The following CFAP61 variants were observed in gnomAD, a reference collection of about 807,000 sequenced individuals.
The protein encoded by CFAP61 is cilia and flagella associated protein 61.
A neutral mutation model predicts 135.6 loss-of-function variants in CFAP61; 107 were observed. The observed-to-expected ratio is 0.79, with a 90% confidence interval of 0.67 to 0.93. The LOEUF (loss-of-function observed/expected upper bound fraction) is 0.93, where lower values mean the gene tolerates loss of function less well. CFAP61 is among the 40% of genes least tolerant of loss of function. The pLI is 0.00. For synonymous variants in CFAP61, 575 were observed against 578.5 expected (o/e 0.99, Z 0.09); for missense variants, 1,507 against 1,556.2 (o/e 0.97, Z 0.53).
chr20:20,195,904 C>G (rs1419181842), intron 15 of CFAP61, among the ~76,000 whole-genome samples: 1 of 152,024 alleles, frequency 6.6e-6, no homozygotes, highest in Non-Finnish European at 1.5e-5. Context: ...CATGGTGAAA[C>G]CCTATCTCTA....
chr20:20,348,060 A>G (rs1054457141), intron 26 of CFAP61, among the ~76,000 whole-genome samples: 4 of 152,198 alleles, frequency 2.6e-5, no homozygotes, highest in African/African-American at 9.6e-5. Flanking sequence ...AGAAAAGCCC[A>G]AGACCGGATG....
At chr20:20,075,435 C>T (rs2045982372) in intron 5 of CFAP61, 54 bp from the exon 6 acceptor site, 1 of 1,592,792 alleles carries the variant, frequency 6.3e-7, no homozygotes. Flanking sequence ...GTTCTGACAT[C>T]CCAAATTTAT....
intron 13 of CFAP61, among the ~76,000 whole-genome samples, chr20:20,177,127 T>C (rs1213852311): frequency 6.6e-6 from 1 of 152,212 alleles, no homozygotes; most frequent in Non-Finnish European, 1.5e-5. Flanking sequence ...TTTGTACGAA[T>C]ATGTGGACTA....
chr20:20,204,727 T>C (rs142609525), intron 17 of CFAP61, among the ~76,000 whole-genome samples: 3 of 152,212 alleles, frequency 2.0e-5, no homozygotes, highest in African/African-American at 7.2e-5. Context: ...GGCCATCACC[T>C]TGGTAGAGGT....
At chr20:20,105,065 C>T (rs1341488444) in intron 8 of CFAP61, among the ~76,000 whole-genome samples, 1 of 152,106 alleles carries the variant, frequency 6.6e-6, no homozygotes, top group East Asian at 1.9e-4. Context: ...TCTATGGTAT[C>T]GTACTGCCTT....
chr20:20,351,464 C>T (rs984419073), intron 26 of CFAP61, among the ~76,000 whole-genome samples: 4 of 151,986 alleles, frequency 2.6e-5, no homozygotes, highest in Non-Finnish European at 5.9e-5. Flanking sequence ...TGCCTGTAAT[C>T]CCAGCTACTC....
chr20:20,334,378 C>T (rs946141701), intron 25 of CFAP61, among the ~76,000 whole-genome samples: 9 of 152,170 alleles, frequency 5.9e-5, no homozygotes, highest in Non-Finnish European at 1.0e-4. Context: ...CCGCCTGCCT[C>T]GGCCTCCCAA....
At chr20:20,143,007 G>C in intron 9 of CFAP61, 59 bp downstream of exon 9, 1 of 985,808 alleles carries the variant, frequency 1.0e-6, no homozygotes, top group Non-Finnish European at 1.5e-6. Flanking sequence ...GGCTACCTGT[G>C]ACATCAGGGG....
intron 21 of CFAP61, among the ~76,000 whole-genome samples, chr20:20,267,169 G>C (rs2052823154): frequency 6.6e-6 from 1 of 152,070 alleles, no homozygotes; most frequent in African/African-American, 2.4e-5. Flanking sequence ...AGGAGGATTT[G>C]AGCTCAGTCT....
intron 6 of CFAP61, among the ~76,000 whole-genome samples, chr20:20,088,684 C>A (rs567716533): frequency 6.6e-6 from 1 of 152,102 alleles, no homozygotes; most frequent in African/African-American, 2.4e-5. Flanking sequence ...AAGATTCAAC[C>A]TGTGGAGTCA....
intron 17 of CFAP61, among the ~76,000 whole-genome samples, chr20:20,227,837 T>C (rs1380560097): frequency 6.6e-6 from 1 of 152,224 alleles, no homozygotes; most frequent in East Asian, 1.9e-4. Flanking sequence ...ATATAATTTG[T>C]CACTCAAGGT....
chr20:20,267,228 GTGTCCAAAAGACAC>G (rs1264318235), intron 21 of CFAP61, among the ~76,000 whole-genome samples: 1 of 152,130 alleles, frequency 6.6e-6, no homozygotes, highest in African/African-American at 2.4e-5. Context: ...AGTTTGGATT[GTGTCCAAAAGACAC>G]TGGGCCAACA....
intron 13 of CFAP61, among the ~76,000 whole-genome samples, chr20:20,179,224 T>G (rs115942504): frequency 5.1e-4 from 78 of 152,258 alleles, no homozygotes; most frequent in African/African-American, 1.8e-3. Flanking sequence ...AATATTCCTA[T>G]ACACCAACCA....
Position 20,196,779 on chromosome 20 carries a change from A to G in CFAP61, c.1797+3A>G, listed in dbSNP as rs2056322067. ...ACCCAAAATCCAGAGAAGGCAAGGTAAGAGAATGGTGCAATTCACTTTCCC... is the reference window on the plus strand; with the variant it reads ...ACCCAAAATCCAGAGAAGGCAAGGTGAGAGAATGGTGCAATTCACTTTCCC... On this transcript the variant is annotated splice_donor_region_variant and intron_variant, in intron 16 of 26. Transcript: ENST00000245957. The G allele has an allele frequency of 1.2e-6, 2 of 1,612,826 alleles. No homozygotes were observed. Among genetic ancestry groups the G allele is most frequent in the Non-Finnish European group, 1.7e-6 (2 of 1,178,754 alleles).
chr20:20,139,386 A>T (rs1437801961), intron 8 of CFAP61, among the ~76,000 whole-genome samples: 1 of 152,260 alleles, frequency 6.6e-6, no homozygotes, highest in Non-Finnish European at 1.5e-5. Context: ...TCTCACTTAG[A>T]GAGAAAGTCC....
At chr20:20,351,183 A>T (rs2122436245) in intron 26 of CFAP61, among the ~76,000 whole-genome samples, 1 of 152,360 alleles carries the variant, frequency 6.6e-6, no homozygotes, top group East Asian at 1.9e-4. Context: ...TTTGCTGATG[A>T]CATGATCTTA....
chr20:20,283,793 A>G (rs2054373055), intron 22 of CFAP61, among the ~76,000 whole-genome samples: 2 of 152,348 alleles, frequency 1.3e-5, no homozygotes, highest in South Asian at 2.1e-4. Flanking sequence ...TTCTTGCCTC[A>G]TGGCCCCTTC....
chr20:20,240,013 G>A (rs1187121975), intron 18 of CFAP61, among the ~76,000 whole-genome samples: 1 of 152,132 alleles, frequency 6.6e-6, no homozygotes, highest in Non-Finnish European at 1.5e-5. Context: ...GCCTGAGACT[G>A]GCTGCCAAAT....
chr20:20,322,835 C>T (rs920118862), intron 25 of CFAP61: 1 of 985,322 alleles, frequency 1.0e-6, no homozygotes, highest in Non-Finnish European at 1.2e-6. Context: ...TCATAGAAGA[C>T]ATTCATCTTG....
Sources: allele counts gnomAD v4.1 joint callset (sites outside exome capture counted in the v4.1 genomes callset), GRCh38; gene constraint gnomAD v4.1.1; transcripts MANE v1.5; gene names NCBI Gene and HGNC (gene_info 2026-07-23, HGNC 2026-07-21).